The following ACACA variants were observed in gnomAD, a reference collection of about 807,000 sequenced individuals.
ACACA encodes the protein acetyl-CoA carboxylase 1.
ACACA carries 103 observed loss-of-function variants against 296.1 expected under a neutral mutation model. The ratio of observed to expected loss-of-function variants is 0.35; its 90% CI spans 0.30 to 0.41. ACACA has a LOEUF of 0.41. Ranked by LOEUF, ACACA falls within the 10% of genes least tolerant of loss-of-function variation. The pLI is 1.00. For synonymous variants in ACACA, 953 were observed against 1,038.6 expected (o/e 0.92, Z 1.58); for missense variants, 1,554 against 2,989.7 (o/e 0.52, Z 11.20).
At chr17:37,382,381 C>T (rs1398504790) in intron 1 of ACACA, among the ~76,000 whole-genome samples, 4 of 151,398 alleles carry the variant, frequency 2.6e-5, no homozygotes, top group Admixed American at 6.6e-5. Flanking sequence ...TTAGTGTAGC[C>T]GGTTCCTCTT....
intron 29 of ACACA, among the ~76,000 whole-genome samples, chr17:37,213,182 C>T (rs1346479234): frequency 6.6e-6 from 1 of 151,592 alleles, no homozygotes; most frequent in Non-Finnish European, 1.5e-5. Context: ...TACACACACA[C>T]ACGCACACAA....
chr17:37,226,200 T>C (rs1247550750), intron 26 of ACACA, 139 bp downstream of exon 26: 1 of 792,254 alleles, frequency 1.3e-6, no homozygotes, highest in Non-Finnish European at 2.3e-6. Context: ...ATGAAAACAT[T>C]TGTTCTGAGG....
At chr17:37,184,318 C>T (rs575955807) in intron 39 of ACACA, among the ~76,000 whole-genome samples, 182 of 152,248 alleles carry the variant, frequency 1.2e-3, no homozygotes, top group African/African-American at 4.3e-3. Context: ...TCATAAAGAA[C>T]CATCTAATAT....
At position 37,332,532 on chromosome 17, in the gene ACACA, A is replaced by T. The variant is rs138869902; in HGVS notation, c.86-2107T>A. ...ACGCCTATAATCCTAACAACTTGGGAGGCAGAGGCAGGAGGATTGTTTGAG... is the reference window on the plus strand; with the variant it reads ...ACGCCTATAATCCTAACAACTTGGGTGGCAGAGGCAGGAGGATTGTTTGAG... On this transcript the variant is annotated intron_variant, in intron 2 of 55. Coordinates refer to ENST00000616317, the MANE Select transcript of ACACA (RefSeq NM_198834.3). Among the ~76,000 whole-genome samples, 293 of 147,754 alleles carry T rather than the reference A, an allele frequency of 2.0e-3. 1 individual carries two copies. The highest frequency in any genetic ancestry group is 6.9e-3 in the African/African-American group (276 of 40,002).
intron 41 of ACACA, among the ~76,000 whole-genome samples, chr17:37,164,052 TC>T (rs1000905367): frequency 1.3e-5 from 2 of 151,312 alleles, no homozygotes; most frequent in Non-Finnish European, 2.9e-5. Flanking sequence ...ATTCTTTTTT[TC>T]CCCCTTTCTT....
chr17:37,332,450 A>C (rs1482178999), intron 2 of ACACA, among the ~76,000 whole-genome samples: 1 of 152,130 alleles, frequency 6.6e-6, no homozygotes, highest in Non-Finnish European at 1.5e-5. Flanking sequence ...AGTATTAAAT[A>C]GCTTGTACCC....
Position 37,214,208 on chromosome 17 carries a change from T to C in ACACA, c.3684-3718A>G, listed in dbSNP as rs535001852. Among the ~76,000 whole-genome samples the C allele has an allele frequency of 2.6e-4, 39 of 152,314 alleles. 2 individuals are homozygous for C. In the South Asian group the frequency reaches 7.7e-3, roughly 30 times the overall value. ...TGACTGGCTGTGACCAGTGGTGGTC[T>C]CTTTGCATGACTATATTTCTGCAGG... is the stretch of plus-strand genomic sequence containing the variant. On this transcript the variant is annotated intron_variant, in intron 29 of 55. Transcript: ENST00000616317.
chr17:37,296,262 T>C (rs1357727582), intron 3 of ACACA, among the ~76,000 whole-genome samples: 1 of 151,520 alleles, frequency 6.6e-6, no homozygotes, highest in African/African-American at 2.4e-5. Context: ...TCTCATTGTG[T>C]CCTCACAGAG....
intron 1 of ACACA, among the ~76,000 whole-genome samples, chr17:37,366,492 G>A (rs1339456754): frequency 2.1e-5 from 3 of 142,790 alleles, no homozygotes; most frequent in Non-Finnish European, 4.5e-5. Flanking sequence ...TTTTTGAGAC[G>A]GAGTCTCACT....
At chr17:37,325,577 T>TTA in intron 3 of ACACA, among the ~76,000 whole-genome samples, 1 of 135,644 alleles carries the variant, frequency 7.4e-6, no homozygotes. Context: ...TTTCTTTTCT[T>TTA]TCTTTTTTTT....
intron 41 of ACACA, among the ~76,000 whole-genome samples, chr17:37,177,062 A>G (rs1214668365): frequency 6.6e-6 from 1 of 152,170 alleles, no homozygotes; most frequent in Non-Finnish European, 1.5e-5. Context: ...AGAACTGACA[A>G]AAACTCAAAA....
At chr17:37,358,442 A>G (rs891245578) in intron 1 of ACACA, among the ~76,000 whole-genome samples, 4 of 152,216 alleles carry the variant, frequency 2.6e-5, no homozygotes, top group African/African-American at 9.6e-5. Flanking sequence ...AATCCTGGGA[A>G]CAGGAACTGG....
At chr17:37,265,102 CTGTAAGGCCTCT>C in intron 10 of ACACA, among the ~76,000 whole-genome samples, 1 of 152,280 alleles carries the variant, frequency 6.6e-6, no homozygotes, top group Admixed American at 6.5e-5. Context: ...GGGGAAGAAG[CTGTAAGGCCTCT>C]TGAGGTCTAG....
Position 37,284,626 on chromosome 17 carries a change from T to C in ACACA, c.471+212A>G, listed in dbSNP as rs192752652. On this transcript the variant is annotated intron_variant, in intron 4 of 55. Transcript: ENST00000616317. ...ACTATTTTAACTCCTTAATTAGCTA[T>C]GATTAAATTATCTGTGGTAAATACA... Among the ~76,000 whole-genome samples, 262 of 152,280 alleles carry C rather than the reference T, an allele frequency of 1.7e-3. 1 individual carries two copies. Among genetic ancestry groups the C allele is most frequent in the African/African-American group, 6.0e-3 (249 of 41,560 alleles).
chr17:37,223,269 T>A (rs2079379596), intron 28 of ACACA, among the ~76,000 whole-genome samples: 1 of 152,226 alleles, frequency 6.6e-6, no homozygotes, highest in Admixed American at 6.5e-5. Flanking sequence ...AAATAGAAAC[T>A]ACTGAAAAAT....
chr17:37,126,928 T>C (rs2074816877), intron 47 of ACACA, among the ~76,000 whole-genome samples: 1 of 152,224 alleles, frequency 6.6e-6, no homozygotes, highest in African/African-American at 2.4e-5. Flanking sequence ...ACTTTTCACC[T>C]AGAAGATATC....
chr17:37,321,680 G>A (rs573596794), intron 3 of ACACA, among the ~76,000 whole-genome samples: 282 of 152,206 alleles, frequency 1.9e-3, no homozygotes, highest in Non-Finnish European at 2.8e-3. Flanking sequence ...CCCAGGAGGC[G>A]GAGCTTGCAG....
At chr17:37,205,702 T>C (rs1488835450) in intron 33 of ACACA, 63 bp downstream of exon 33, 11 of 1,240,284 alleles carry the variant, frequency 8.9e-6, no homozygotes, top group Non-Finnish European at 1.3e-5. Context: ...GATAAAAGGA[T>C]AGCTATGATA....
At position 37,270,735 on chromosome 17, in the gene ACACA, A is replaced by G. The variant is rs1455292220; in HGVS notation, c.1119+16T>C. ...TACATGTTAGTTCAAACAAACAAAA[A>G]CAGCTTATACTCTACCTGTCTGAAG... is the stretch of plus-strand genomic sequence containing the variant. On this transcript the variant is annotated intron_variant, in intron 10 of 55. Coordinates refer to ENST00000616317, the MANE Select transcript of ACACA (RefSeq NM_198834.3). The G allele has an allele frequency of 6.3e-7, 1 of 1,586,440 alleles. No individual in the cohort carries two copies. The highest frequency in any genetic ancestry group is 2.2e-5 in the East Asian group (1 of 44,706).
Sources: allele counts gnomAD v4.1 joint callset (sites outside exome capture counted in the v4.1 genomes callset), GRCh38; gene constraint gnomAD v4.1.1; transcripts MANE v1.5; gene names NCBI Gene and HGNC (gene_info 2026-07-23, HGNC 2026-07-21).